ASPA: variants seen among roughly 807,000 people sequenced by gnomAD.
ASPA encodes aspartoacylase.
A neutral mutation model predicts 29.6 loss-of-function variants in ASPA; 25 were observed. The ratio of observed to expected loss-of-function variants is 0.85; its 90% CI spans 0.62 to 1.18. The LOEUF (loss-of-function observed/expected upper bound fraction) is 1.18, where lower values mean the gene tolerates loss of function less well. Ranked by LOEUF, ASPA falls within the 50% of genes most tolerant of loss-of-function variation. ASPA has a pLI of 0.00. For synonymous variants in ASPA, 131 were observed against 130.3 expected (o/e 1.01, Z -0.04); for missense variants, 333 against 385.7 (o/e 0.86, Z 1.14).
In ASPA at chr17:3,494,446, A is replaced by T. The variant is rs1057516995; in HGVS notation, c.731A>T (p.His244Leu). 3 of 1,604,164 alleles carry T rather than the reference A, an allele frequency of 1.9e-6. No individual in the cohort carries two copies. Among genetic ancestry groups the T allele is most frequent in the Non-Finnish European group, 2.6e-6 (3 of 1,170,866 alleles). ...AATGGAGAAATTGCTGCTATCATCC[A>T]TCCTAATCTGCAGGTAACATTTGTT... ...DENGEIAAII[H>L]PNLQDQDWKP... Residue 244 changes from histidine to leucine, a missense_variant, in exon 5 of 6, where the codon CAT (histidine) becomes CTT (leucine). His to Leu is a moderately conservative substitution (Grantham distance 99). Transcript: ENST00000263080.
rs144321760 is a variant in ASPA at position 3,483,575 on chromosome 17, T to C, written c.509T>C (p.Ile170Thr). ...PSLKYATTRS[I>T]AKYPVGIEVG... ...CTCAAATATGCGACCACTCGTTCCATAGCCAAGTATCCTGTGGGTAAGTCA... is the reference window on the plus strand; with the variant it reads ...CTCAAATATGCGACCACTCGTTCCACAGCCAAGTATCCTGTGGGTAAGTCA... Residue 170 changes from isoleucine to threonine, a missense_variant, in exon 3 of 6, where the codon ATA becomes ACA. Coordinates refer to ENST00000263080, the MANE Select transcript of ASPA (RefSeq NM_000049.4). 7.1e-4 allele frequency: 1,144 copies of C among 1,613,502 alleles called. 1 individual carries two copies. The highest frequency in any genetic ancestry group is 9.2e-4 in the Non-Finnish European group (1,088 of 1,179,482).
chr17:3,483,460 C>T lies in ASPA; in HGVS notation c.433-39C>T, dbSNP rs370678443. 2.1e-4 allele frequency: 332 copies of T among 1,545,190 alleles called. No homozygotes were observed. The Middle Eastern group carries it at 4.2e-3, about 20-fold the overall frequency. ...GTTGAAGCAAAGAGAACAAAACATA[C>T]GGTTTTTACCTAAGAAAGACGTTTT... On this transcript the variant is annotated intron_variant, in intron 2 of 5. Transcript: ENST00000263080.
intron 1 of ASPA, among the ~76,000 whole-genome samples, chr17:3,477,660 G>T (rs576059988): frequency 1.3e-5 from 2 of 152,092 alleles, no homozygotes; most frequent in East Asian, 3.9e-4. Flanking sequence ...CTCCATGTTG[G>T]CCAGGCTGGT....
chr17:3,483,462 G>C, intron 2 of ASPA, 37 bp from the exon 3 acceptor site: 1 of 1,562,690 alleles, frequency 6.4e-7, no homozygotes, highest in Non-Finnish European at 8.8e-7. Context: ...AAAACATACG[G>C]TTTTTACCTA....
intron 5 of ASPA, 92 bp from the exon 6 acceptor site, chr17:3,498,799 T>A: frequency 8.3e-7 from 1 of 1,210,616 alleles, no homozygotes; most frequent in Non-Finnish European, 1.1e-6. Context: ...AACAACAGAA[T>A]ACTGTAATTT....
At chr17:3,498,865 T>C (rs1020492620) in intron 5 of ASPA, 26 bp from the exon 6 acceptor site, 1 of 1,495,538 alleles carries the variant, frequency 6.7e-7, no homozygotes, top group Non-Finnish European at 8.9e-7. Context: ...AAATATAATA[T>C]ATTTATTTTG....
At chr17:3,483,727 A>T in intron 3 of ASPA, 135 bp downstream of exon 3, 1 of 812,864 alleles carries the variant, frequency 1.2e-6, no homozygotes. Context: ...CGATGGTGTG[A>T]TCTCAGCTCA....
At chr17:3,481,526 T>C in intron 1 of ASPA, 77 bp from the exon 2 acceptor site, 5 of 1,383,710 alleles carry the variant, frequency 3.6e-6, no homozygotes, top group Admixed American at 2.1e-5. Flanking sequence ...TGGTTCTTTT[T>C]ACACTGTGTT....
rs1210197991 is a variant in ASPA, at chr17:3,485,024, TTTG to T, written c.526+1435_526+1437del. On this transcript the variant is annotated intron_variant, in intron 3 of 5. Transcript: ENST00000263080. This position sits in a 1 kb window ranked among gnomAD's most constrained non-coding sequence, Gnocchi z 4.4. The stretch of plus-strand genomic sequence containing the variant: ...ATCATCATTCACAGTAGGGTTTTGT[TTTG>T]TTTTTTTTCTGGAAAAGGGTCTCAC... Among the ~76,000 whole-genome samples, 1 of 152,060 alleles carries T rather than the reference TTTG, an allele frequency of 6.6e-6. No homozygotes were observed. The highest frequency in any genetic ancestry group is 1.9e-4 in the East Asian group (1 of 5,194).
At chr17:3,480,914 G>A (rs558960828) in intron 1 of ASPA, among the ~76,000 whole-genome samples, 18 of 152,300 alleles carry the variant, frequency 1.2e-4, no homozygotes, top group Admixed American at 8.5e-4. Context: ...GGCAGTTTTA[G>A]TTCAAGACCA....
At chr17:3,482,364 T>C (rs530246113) in intron 2 of ASPA, among the ~76,000 whole-genome samples, 1 of 152,314 alleles carries the variant, frequency 6.6e-6, no homozygotes, top group South Asian at 2.1e-4. Context: ...ATAATCATTT[T>C]AAGGCTCAGA....
At chr17:3,497,811 C>A (rs373365419) in intron 5 of ASPA, among the ~76,000 whole-genome samples, 48 of 152,294 alleles carry the variant, frequency 3.2e-4, no homozygotes, top group African/African-American at 1.1e-3. Flanking sequence ...GCGGATGCTG[C>A]TGGGAAATGT....
At chr17:3,494,555 C>A in intron 5 of ASPA, 96 bp downstream of exon 5, 1 of 994,536 alleles carries the variant, frequency 1.0e-6, no homozygotes, top group Non-Finnish European at 1.6e-6. Flanking sequence ...TACATTCGCC[C>A]ATTTGATGCT....
At chr17:3,482,790 A>T (rs939327239) in intron 2 of ASPA, among the ~76,000 whole-genome samples, 4 of 149,956 alleles carry the variant, frequency 2.7e-5, no homozygotes, top group Admixed American at 6.6e-5. Flanking sequence ...AATTTTTTTT[A>T]AATTTTATTA....
At chr17:3,494,974 A>T (rs1166351349) in intron 5 of ASPA, among the ~76,000 whole-genome samples, 5 of 152,164 alleles carry the variant, frequency 3.3e-5, no homozygotes, top group Non-Finnish European at 7.4e-5. Flanking sequence ...CCTGTGACAG[A>T]ATAAGTTAGA....
intron 1 of ASPA, 66 bp downstream of exon 1, chr17:3,476,461 G>A (rs2073525039): frequency 7.1e-7 from 1 of 1,410,050 alleles, no homozygotes; most frequent in Admixed American, 1.7e-5. Context: ...GTGTGAAAGA[G>A]AACACATATA....
Position 3,481,657 on chromosome 17 carries a change from T to C in ASPA, c.291T>C (p.Asn97=), listed in dbSNP as rs1018556148. The C allele has an allele frequency of 6.2e-7, 1 of 1,613,872 alleles. No individual in the cohort carries two copies. Among genetic ancestry groups the C allele is most frequent in the Admixed American group, 1.7e-5 (1 of 59,996 alleles). The change falls in exon 2 of 6, where the codon AAT becomes AAC. Residue 97 remains asparagine (N), a synonymous_variant. Transcript: ENST00000263080. Reference sequence around the variant, plus strand: ...AAGTGAGAAGGGCTCAAGAAATAAATCATTTATTTGGTCCAAAAGACAGTG... The same window carrying C: ...AAGTGAGAAGGGCTCAAGAAATAAACCATTTATTTGGTCCAAAAGACAGTG... ...PYEVRRAQEI[N]HLFGPKDSED... is the part of the protein sequence containing the mutation.
chr17:3,496,048 G>T (rs191460533), intron 5 of ASPA, among the ~76,000 whole-genome samples: 1 of 152,190 alleles, frequency 6.6e-6, no homozygotes, highest in Non-Finnish European at 1.5e-5. Context: ...CCAGGCAGAC[G>T]GAGAAGTGAG....
intron 1 of ASPA, 73 bp downstream of exon 1, chr17:3,476,468 T>C (rs2073525233): frequency 7.6e-7 from 1 of 1,311,596 alleles, no homozygotes; most frequent in South Asian, 1.2e-5. Flanking sequence ...AGAGAACACA[T>C]ATATGTATAT....
Sources: gnomAD v4.1 joint callset for allele counts (sites outside exome capture counted in the v4.1 genomes callset) on GRCh38, gnomAD v4.1.1 for gene constraint, Gnocchi (gnomAD v3.1) non-coding constraint, MANE v1.5 for transcripts, NCBI Gene and HGNC (gene_info 2026-07-23, HGNC 2026-07-21) for gene names.